The following NSD1 variants were observed in gnomAD, a reference collection of about 807,000 sequenced individuals.
NSD1 encodes the protein nuclear receptor binding SET domain protein 1, also known as histone-lysine N-methyltransferase, H3 lysine-36 specific.
A neutral mutation model predicts 242.7 loss-of-function variants in NSD1; 26 were observed. The ratio of observed to expected loss-of-function variants is 0.11; its 90% confidence interval spans 0.08 to 0.15. The LOEUF is 0.15. Among genes scored for constraint, NSD1 ranks in the 10% least tolerant of loss-of-function variants. The pLI, the probability that NSD1 is intolerant of heterozygous loss-of-function variation, is 1.00. For missense variants in NSD1, 2,495 were observed against 3,272.8 expected (o/e 0.76, Z 5.80); for synonymous variants, 1,106 against 1,178.1 (o/e 0.94, Z 1.25).
At chr5:177,217,990 G>C (rs970260103) in intron 5 of NSD1, among the ~76,000 whole-genome samples, 1 of 152,022 alleles carries the variant, frequency 6.6e-6, no homozygotes, top group Non-Finnish European at 1.5e-5. Flanking sequence ...ATGGCTCACT[G>C]CAGCCTCAAC....
At chr5:177,147,392 C>T (rs942915583) in intron 2 of NSD1, among the ~76,000 whole-genome samples, 1 of 152,182 alleles carries the variant, frequency 6.6e-6, no homozygotes, top group African/African-American at 2.4e-5. Context: ...CAGGCAGGAG[C>T]CACCATGCCT....
chr5:177,135,146 C>T lies in NSD1; in HGVS notation c.43C>T (p.Pro15Ser), dbSNP rs372331010. The T allele has an allele frequency of 9.3e-6, 15 of 1,614,082 alleles. No homozygotes were observed. The highest frequency in any genetic ancestry group is 3.3e-4 in the Middle Eastern group (2 of 6,084). Reference sequence around the variant, plus strand: ...ACTACCCAGAAGAAATTGTCTGCTGCCCTTTTCCAATCCAGTGAATTTAGA... The same window carrying T: ...ACTACCCAGAAGAAATTGTCTGCTGTCCTTTTCCAATCCAGTGAATTTAGA... Reference protein sequence around the residue: ...CELPRRNCLLPFSNPVNLDAP... With the variant: ...CELPRRNCLLSFSNPVNLDAP... The change falls in exon 2 of 23, where the codon CCC (proline) becomes TCC (serine). Residue 15 changes from proline (P) to serine (S), a missense_variant. Pro to Ser is a moderately conservative substitution (Grantham distance 74). Around this residue, in one of 19 missense-constraint regions of NSD1, gnomAD observed 376 missense variants for 367.4 expected, o/e 1.02. Transcript: ENST00000439151.
At chr5:177,172,189 T>G (rs1759769059) in intron 2 of NSD1, among the ~76,000 whole-genome samples, 2 of 152,232 alleles carry the variant, frequency 1.3e-5, no homozygotes, top group South Asian at 4.1e-4. Flanking sequence ...TAAACACTTT[T>G]GACTGTGGCA....
rs60995782 is a variant in NSD1, at chr5:177,300,057, G to GCCCCCCCC, written c.*4604_*4611dup. On this transcript the variant is annotated 3_prime_UTR_variant, in exon 23 of 23. Coordinates refer to ENST00000439151, the MANE Select transcript of NSD1 (RefSeq NM_022455.5). ...AGGTCCATCATTGCTTTTTTGCCGC[G>GCCCCCCCC]CCCCCCCCCCCCCGCCCCCATAGAT... The GCCCCCCCC allele has an allele frequency of 2.5e-4, 33 of 129,928 alleles. No homozygotes were observed. The highest frequency in any genetic ancestry group is 6.3e-4 in the African/African-American group (15 of 23,952). The allele number at this position is 129,928 out of a possible 1,614,324, so 8.0% of individuals were successfully genotyped here.
intron 2 of NSD1, among the ~76,000 whole-genome samples, chr5:177,176,434 T>TC (rs1760209925): frequency 6.8e-6 from 1 of 147,404 alleles, no homozygotes; most frequent in African/African-American, 2.6e-5. Flanking sequence ...TCTTTTTTTT[T>TC]TTTTTCTTCT....
chr5:177,181,948 C>T (rs897612268), intron 2 of NSD1, among the ~76,000 whole-genome samples: 19 of 151,666 alleles, frequency 1.3e-4, no homozygotes, highest in Non-Finnish European at 2.7e-4. Flanking sequence ...GTCAGGAGAT[C>T]GAGACCATCC....
chr5:177,132,547 G>C (rs1212030895), upstream of NSD1, among the ~76,000 whole-genome samples: 2 of 151,874 alleles, frequency 1.3e-5, no homozygotes, highest in African/African-American at 2.4e-5. The surrounding 1 kb of genome is among the most constrained non-coding windows in gnomAD (Gnocchi z 7.5). Context: ...CGGGGGTGGT[G>C]AGGGAGCTTC....
intron 20 of NSD1, among the ~76,000 whole-genome samples, chr5:177,288,172 AAGAG>A (rs757783097): frequency 6.6e-6 from 1 of 152,234 alleles, no homozygotes; most frequent in Non-Finnish European, 1.5e-5. Context: ...CTTTGACAGA[AAGAG>A]AGAAAGAGGA....
At chr5:177,201,958 G>C (rs1303755172) in intron 3 of NSD1, among the ~76,000 whole-genome samples, 1 of 151,850 alleles carries the variant, frequency 6.6e-6, no homozygotes, top group African/African-American at 2.4e-5. Flanking sequence ...CCTGAGGTCG[G>C]CAGTTTGAGA....
At chr5:177,142,955 C>T (rs941862491) in intron 2 of NSD1, among the ~76,000 whole-genome samples, 4 of 152,166 alleles carry the variant, frequency 2.6e-5, no homozygotes, top group African/African-American at 7.2e-5. Flanking sequence ...TTAATGGTCC[C>T]TTGCTCCATA....
intron 2 of NSD1, among the ~76,000 whole-genome samples, chr5:177,151,147 G>C (rs1333487345): frequency 6.6e-6 from 1 of 152,174 alleles, no homozygotes; most frequent in Non-Finnish European, 1.5e-5. Context: ...GGAGGCCTAG[G>C]CGGGAGGATC....
chr5:177,246,577 T>C lies in NSD1; in HGVS notation c.4379-101T>C. On this transcript the variant is annotated intron_variant, in intron 9 of 22. Coordinates refer to ENST00000439151, the MANE Select transcript of NSD1 (RefSeq NM_022455.5). ...TTTCCTAATCCACAAAGCTGGAGAA[T>C]TAAATGAGTTTTAAGGTTGGTTTTT... 3 of 811,638 alleles carry C rather than the reference T, an allele frequency of 3.7e-6. No homozygotes were observed. In the East Asian group the frequency reaches 7.4e-5, roughly 20 times the overall value. The allele number at this position is 811,638 out of a possible 1,614,324, so 50.3% of individuals were successfully genotyped here. A position where few individuals can be genotyped will look rare whatever the true frequency, so the allele number is the denominator to read the frequency against.
intron 3 of NSD1, among the ~76,000 whole-genome samples, chr5:177,192,491 G>A (rs1406075116): frequency 1.3e-5 from 2 of 152,014 alleles, no homozygotes; most frequent in African/African-American, 4.8e-5. Flanking sequence ...CTGCCTCCCG[G>A]GTTCAAGCAA....
At chr5:177,257,827 A>AT (rs1423491046) in intron 13 of NSD1, among the ~76,000 whole-genome samples, 2 of 147,094 alleles carry the variant, frequency 1.4e-5, no homozygotes, top group African/African-American at 5.0e-5. Flanking sequence ...TTTTTATTTT[A>AT]TTTTATTTTA....
At chr5:177,288,972 C>T (rs187713824) in intron 21 of NSD1, 47 bp downstream of exon 21, 2 of 1,292,156 alleles carry the variant, frequency 1.5e-6, no homozygotes, top group East Asian at 4.6e-5. Context: ...GTGCGGTCCT[C>T]CCTCCCTAAC....
chr5:177,201,138 C>T (rs1330737076), intron 3 of NSD1, among the ~76,000 whole-genome samples: 2 of 152,094 alleles, frequency 1.3e-5, no homozygotes, highest in African/African-American at 4.8e-5. Context: ...CTGCCTGCCT[C>T]CACCTCCCAA....
chr5:177,286,955 C>T (rs1759387315), intron 20 of NSD1, among the ~76,000 whole-genome samples: 1 of 152,220 alleles, frequency 6.6e-6, no homozygotes, highest in Non-Finnish European at 1.5e-5. Context: ...TGCTAAGGGA[C>T]AGGCAGAGTG....
At chr5:177,132,252 G>A (rs1353114519), upstream of NSD1, among the ~76,000 whole-genome samples, 2 of 151,828 alleles carry the variant, frequency 1.3e-5, no homozygotes, top group African/African-American at 2.4e-5. This position sits in a 1 kb window ranked among gnomAD's most constrained non-coding sequence, Gnocchi z 7.5. Flanking sequence ...ACTCCCCGGG[G>A]AACCGGGCTG....
At chr5:177,225,601 ATC>A (rs964652047) in intron 5 of NSD1, among the ~76,000 whole-genome samples, 1 of 152,054 alleles carries the variant, frequency 6.6e-6, no homozygotes, top group Non-Finnish European at 1.5e-5. Flanking sequence ...CTTTATATAG[ATC>A]TACCTTTGCT....
Sources: allele counts gnomAD v4.1 joint callset (sites outside exome capture counted in the v4.1 genomes callset), GRCh38; gene constraint gnomAD v4.1.1; regional missense constraint gnomAD v4.1.1; non-coding constraint Gnocchi (gnomAD v3.1); transcripts MANE v1.5; gene names NCBI Gene and HGNC (gene_info 2026-07-23, HGNC 2026-07-21).